PTPRD: variants seen among roughly 807,000 people sequenced by gnomAD.
PTPRD encodes the protein protein tyrosine phosphatase receptor type D.
PTPRD carries 34 observed loss-of-function variants against 214.5 expected under a neutral mutation model. The ratio of observed to expected loss-of-function variants is 0.16; its 90% CI spans 0.12 to 0.21. The LOEUF (loss-of-function observed/expected upper bound fraction) is 0.21, where lower values mean the gene tolerates loss of function less well. Among genes scored for constraint, PTPRD ranks in the 10% least tolerant of loss-of-function variants. The pLI, the probability that PTPRD is intolerant of heterozygous loss-of-function variation, is 1.00. For synonymous variants in PTPRD, 1,128 were observed against 845.7 expected (o/e 1.33, Z -5.79); for missense variants, 2,545 against 2,398.7 (o/e 1.06, Z -1.27).
intron 3 of PTPRD, among the ~76,000 whole-genome samples, chr9:10,222,271 T>TA (rs2099573876): frequency 6.6e-6 from 1 of 152,122 alleles, no homozygotes; most frequent in Non-Finnish European, 1.5e-5. Flanking sequence ...TAGAGGTATT[T>TA]ACTACAGTTG....
chr9:10,411,731 AG>A (rs1433922441), intron 2 of PTPRD, among the ~76,000 whole-genome samples: 1 of 151,814 alleles, frequency 6.6e-6, no homozygotes, highest in African/African-American at 2.4e-5. Context: ...ACCCTATATT[AG>A]TTTAATAGGA....
chr9:10,157,458 CT>C (rs2154284266), intron 3 of PTPRD, among the ~76,000 whole-genome samples: 1 of 152,230 alleles, frequency 6.6e-6, no homozygotes, highest in Non-Finnish European at 1.5e-5. Context: ...GAATATTGGC[CT>C]TCAGTCTCTT....
intron 3 of PTPRD, among the ~76,000 whole-genome samples, chr9:10,193,190 T>C (rs1293802517): frequency 6.6e-6 from 1 of 151,482 alleles, no homozygotes; most frequent in African/African-American, 2.4e-5. Flanking sequence ...TCATTTTATC[T>C]TTTTTTTTCC....
chr9:8,942,442 A>G (rs1457015845), intron 11 of PTPRD, among the ~76,000 whole-genome samples: 2 of 152,162 alleles, frequency 1.3e-5, no homozygotes, highest in African/African-American at 4.8e-5. Flanking sequence ...GGAGAGAGGA[A>G]AACAAAATGA....
rs544862803 is a variant in PTPRD, at chr9:9,512,988, T to C, written c.-237+61744A>G. Among the ~76,000 whole-genome samples the C allele has an allele frequency of 2.8e-4, 43 of 152,090 alleles. No homozygotes were observed. In the South Asian group the frequency reaches 7.0e-3, roughly 25 times the overall value. ...AGGAAATAAATTCATTTCTTCCTTT[T>C]AGCAAATAAAAATCTTTCTTTTGGG... On this transcript the variant is annotated intron_variant, in intron 8 of 45. Transcript: ENST00000381196.
Position 8,633,340 on chromosome 9 carries a change from G to A in PTPRD, c.329C>T (p.Ser110Phe), listed in dbSNP as rs2154320301. The change falls in exon 14 of 46, where the codon TCC becomes TTC. Residue 110 changes from serine (S) to phenylalanine (F), a missense_variant. Coordinates refer to ENST00000381196, the MANE Select transcript of PTPRD (RefSeq NM_002839.4). ...ASNNVGEISV[S>F]TRLTVLREDQ... ...ACCCCGCAAAACTGTGAGTCTGGTGGATACACTTATTTCTCCCACATTATT... is the reference window on the plus strand; with the variant it reads ...ACCCCGCAAAACTGTGAGTCTGGTGAATACACTTATTTCTCCCACATTATT... The A allele has an allele frequency of 6.2e-7, 1 of 1,612,394 alleles. No homozygotes were observed. The highest frequency in any genetic ancestry group is 8.5e-7 in the Non-Finnish European group (1 of 1,178,912).
chr9:9,901,644 C>G (rs1317152794), intron 5 of PTPRD, among the ~76,000 whole-genome samples: 1 of 151,974 alleles, frequency 6.6e-6, no homozygotes, highest in African/African-American at 2.4e-5. Flanking sequence ...TTCTCCGAAG[C>G]TAGTGGTGAG....
intron 14 of PTPRD, among the ~76,000 whole-genome samples, chr9:8,553,875 T>C (rs1230025050): frequency 6.6e-6 from 1 of 152,092 alleles, no homozygotes; most frequent in Non-Finnish European, 1.5e-5. Context: ...GCCAGTCTCT[T>C]ACGAAATTCA....
rs548539735 is a variant in PTPRD at position 8,610,235 on chromosome 9, CA to C, written c.352+23081del. On this transcript the variant is annotated intron_variant, in intron 14 of 45. Coordinates refer to ENST00000381196, the MANE Select transcript of PTPRD (RefSeq NM_002839.4). ...TCTATTTCAAAGAGATAATACTTCA[CA>C]GGATTGCTGTGAAAAGTAAAACACA... 6.6e-5 allele frequency among the ~76,000 whole-genome samples: 10 copies of C among 152,238 alleles called. 1 individual carries two copies. The South Asian group carries it at 2.1e-3, about 32-fold the overall frequency.
At chr9:8,817,625 T>A (rs1178497877) in intron 11 of PTPRD, among the ~76,000 whole-genome samples, 2 of 152,110 alleles carry the variant, frequency 1.3e-5, no homozygotes, top group African/African-American at 2.4e-5. Context: ...AGCAAGCCCC[T>A]GTCTCTAAAG....
At chr9:8,465,167 T>C (rs1007222013) in intron 32 of PTPRD, among the ~76,000 whole-genome samples, 3 of 151,956 alleles carry the variant, frequency 2.0e-5, no homozygotes, top group Non-Finnish European at 4.4e-5. Context: ...ATGATGGTTC[T>C]AACACCATGA....
rs779044898 is a variant in PTPRD at position 8,465,583 on chromosome 9, A to T, written c.3597T>A (p.Leu1199=). The change falls in exon 32 of 46, where the codon CTT becomes CTA. Residue 1199 remains leucine, a synonymous_variant. Transcript: ENST00000381196. ...CATCCCCCAGGGTGAACTCAGTGGG[A>T]AGGACATCAAAGTGAGCGGCAATAT... ...KPYIAAHFDV[L]PTEFTLGDDK... 2 of 1,612,612 alleles carry T rather than the reference A, an allele frequency of 1.2e-6. No individual in the cohort carries two copies. Among genetic ancestry groups the T allele is most frequent in the South Asian group, 1.1e-5 (1 of 91,034 alleles).
chr9:8,343,147 T>C (rs1268222476), intron 39 of PTPRD, among the ~76,000 whole-genome samples: 1 of 97,286 alleles, frequency 1.0e-5, no homozygotes, highest in Non-Finnish European at 2.7e-5. Context: ...CAGTAAGAGA[T>C]CATTTTTTTT....
At chr9:9,465,682 G>A (rs887912002) in intron 8 of PTPRD, among the ~76,000 whole-genome samples, 5 of 152,052 alleles carry the variant, frequency 3.3e-5, no homozygotes, top group African/African-American at 1.2e-4. Context: ...ATGCGTTCTG[G>A]ATCTAGAAAA....
intron 14 of PTPRD, among the ~76,000 whole-genome samples, chr9:8,624,831 C>T (rs1368616537): frequency 6.6e-6 from 1 of 151,804 alleles, no homozygotes; most frequent in African/African-American, 2.4e-5. Context: ...CTTTGTAGTT[C>T]TCTTTCCCTT....
chr9:9,058,243 C>T (rs12005013), intron 10 of PTPRD, among the ~76,000 whole-genome samples: 6,825 of 151,902 alleles, frequency 0.045, 240 homozygotes, highest in African/African-American at 0.098. Flanking sequence ...ACCTATCAAC[C>T]GAGAGAAGTA....
At chr9:8,823,094 C>T (rs755327520) in intron 11 of PTPRD, among the ~76,000 whole-genome samples, 10 of 152,136 alleles carry the variant, frequency 6.6e-5, no homozygotes, top group Non-Finnish European at 1.3e-4. Context: ...ACAGCCCACA[C>T]CCCACAGCCT....
intron 11 of PTPRD, among the ~76,000 whole-genome samples, chr9:8,813,451 G>A (rs892789141): frequency 3.9e-5 from 6 of 152,136 alleles, no homozygotes; most frequent in Admixed American, 3.3e-4. Flanking sequence ...CACTGCTACA[G>A]CCTTGACCTC....
chr9:8,509,963 G>A (rs532822247), intron 21 of PTPRD, among the ~76,000 whole-genome samples: 1 of 152,058 alleles, frequency 6.6e-6, no homozygotes, highest in African/African-American at 2.4e-5. Context: ...ATGGTTCGGA[G>A]GTTAACTTCA....
Sources: allele counts gnomAD v4.1 joint callset (sites outside exome capture counted in the v4.1 genomes callset), GRCh38; gene constraint gnomAD v4.1.1; transcripts MANE v1.5; gene names NCBI Gene and HGNC (gene_info 2026-07-23, HGNC 2026-07-21).